RYR2: variants seen among roughly 807,000 people sequenced by gnomAD.
RYR2 encodes the protein ryanodine receptor 2, also known as cardiac muscle ryanodine receptor-calcium release channel.
Under a neutral mutation model 601.1 loss-of-function variants are expected in RYR2, and 227 were observed. The ratio of observed to expected loss-of-function variants is 0.38; its 90% CI spans 0.34 to 0.42. RYR2 has a LOEUF of 0.42. Ranked by LOEUF, RYR2 falls within the 10% of genes least tolerant of loss-of-function variation. The probability of loss-of-function intolerance (pLI) is 1.00; values close to 1 mark genes in which losing one functional copy is unlikely to be tolerated. For missense variants in RYR2, 4,646 were observed against 6,156.5 expected, an observed-to-expected ratio of 0.75 and a Z score of 8.21; for synonymous variants, 2,223 against 2,175.1, an observed-to-expected ratio of 1.02 and a Z score of -0.61.
At chr1:237,307,707 T>C (rs1694015822) in intron 2 of RYR2, among the ~76,000 whole-genome samples, 1 of 152,226 alleles carries the variant, frequency 6.6e-6, no homozygotes, top group Admixed American at 6.5e-5. Flanking sequence ...TTATGATATT[T>C]ATGTAGATCC....
chr1:237,104,941 G>A (rs1450665348), intron 1 of RYR2, among the ~76,000 whole-genome samples: 2 of 152,126 alleles, frequency 1.3e-5, no homozygotes, highest in Non-Finnish European at 1.5e-5. Context: ...CTTCTCCCTC[G>A]AGGTCTTCTC....
chr1:237,283,487 T>C (rs1488451637), intron 2 of RYR2, among the ~76,000 whole-genome samples: 1 of 152,214 alleles, frequency 6.6e-6, no homozygotes, highest in Non-Finnish European at 1.5e-5. Context: ...ATCTTGTATC[T>C]CAGGTACATA....
At chr1:237,566,496 A>G (rs1354200296) in intron 27 of RYR2, 71 bp from the exon 28 acceptor site, 5 of 1,425,566 alleles carry the variant, frequency 3.5e-6, no homozygotes, top group Non-Finnish European at 3.8e-6. Context: ...TCCTTCTTTT[A>G]TTTATGATAT....
chr1:237,625,719 G>A lies in RYR2; in HGVS notation c.6081G>A (p.Gly2027=). ...LDGNSDLTIR[G]RLLSLVEKVT... ...GAAACAGTGATTTAACAATTAGAGG[G>A]CGTCTGCTATCCCTGGTAGAAAAGG... The change falls in exon 40 of 105, where the codon GGG becomes GGA. Residue 2027 remains glycine, a synonymous_variant. Coordinates refer to ENST00000366574, the MANE Select transcript of RYR2 (RefSeq NM_001035.3). The A allele has an allele frequency of 3.1e-6, 5 of 1,613,756 alleles. No individual in the cohort carries two copies. The highest frequency in any genetic ancestry group is 4.2e-6 in the Non-Finnish European group (5 of 1,179,834).
At chr1:237,151,516 T>C (rs929356854) in intron 1 of RYR2, among the ~76,000 whole-genome samples, 7 of 152,232 alleles carry the variant, frequency 4.6e-5, no homozygotes, top group Non-Finnish European at 1.0e-4. Flanking sequence ...GATAGTGATA[T>C]GATTATAGAA....
chr1:237,406,225 C>G (rs1052669992), intron 10 of RYR2, among the ~76,000 whole-genome samples: 3 of 122,122 alleles, frequency 2.5e-5, no homozygotes, highest in East Asian at 3.0e-4. Context: ...CTCCCCTCCC[C>G]TCCCCTCTCC....
chr1:237,591,196 TTCTCCTCCTCCCCCTTCTCCTCCTCCCC>T (rs1675159040), intron 31 of RYR2, among the ~76,000 whole-genome samples: 1 of 34,076 alleles, frequency 2.9e-5, no homozygotes, highest in Non-Finnish European at 5.5e-5. Context: ...CTCCTCCCCC[TTCTCCTCCTCCCCCTTCTCCTCCTCCCC>T]CTTCTCCTCC....
chr1:237,376,244 G>C (rs768464142), intron 7 of RYR2, among the ~76,000 whole-genome samples: 1 of 152,162 alleles, frequency 6.6e-6, no homozygotes, highest in Non-Finnish European at 1.5e-5. Flanking sequence ...AGAAAAGCAA[G>C]TTAGACTATG....
chr1:237,197,710 G>A (rs1380780494), intron 1 of RYR2, among the ~76,000 whole-genome samples: 2 of 152,226 alleles, frequency 1.3e-5, no homozygotes, highest in Admixed American at 1.3e-4. Flanking sequence ...CTGAACTGCA[G>A]TGGAGGGAAT....
chr1:237,362,458 A>G (rs963644962), intron 4 of RYR2, among the ~76,000 whole-genome samples: 2 of 152,112 alleles, frequency 1.3e-5, no homozygotes, highest in African/African-American at 4.8e-5. Context: ...TTTCTTCAAT[A>G]TTTATCTTTA....
chr1:237,380,718 G>A (rs1461621394), intron 8 of RYR2, among the ~76,000 whole-genome samples: 1 of 151,684 alleles, frequency 6.6e-6, no homozygotes, highest in East Asian at 2.0e-4. Context: ...AAGGCGGGAG[G>A]ATCACTTTAG....
At chr1:237,148,247 T>C (rs1674232177) in intron 1 of RYR2, among the ~76,000 whole-genome samples, 1 of 151,678 alleles carries the variant, frequency 6.6e-6, no homozygotes, top group Admixed American at 6.6e-5. Context: ...TACGTGCACG[T>C]GCAGGAACAG....
At chr1:237,424,158 GAC>G (rs769110693) in intron 12 of RYR2, among the ~76,000 whole-genome samples, 3 of 152,112 alleles carry the variant, frequency 2.0e-5, no homozygotes, top group Non-Finnish European at 4.4e-5. Flanking sequence ...TTTGGGTGGG[GAC>G]ACAGAGCCAA....
chr1:237,338,211 G>T (rs1472789456), intron 3 of RYR2, among the ~76,000 whole-genome samples: 1 of 152,178 alleles, frequency 6.6e-6, no homozygotes, highest in Non-Finnish European at 1.5e-5. Context: ...GAACAATCTA[G>T]TTGAAAAATG....
Position 237,639,181 on chromosome 1 carries a change from T to C in RYR2, c.7095T>C (p.Asn2365=), listed in dbSNP as rs759514803. The change falls in exon 46 of 105, where the codon AAT becomes AAC. Residue 2365 remains asparagine, a synonymous_variant. Coordinates refer to ENST00000366574, the MANE Select transcript of RYR2 (RefSeq NM_001035.3). ...CTTCCCGAGATGGTCCCTCACCAAA[T>C]AGCGGATCCAGTAAAACACTGTAGG... The part of the protein sequence containing the change: ...EDPSRDGPSP[N]SGSSKTLDTE... The C allele has an allele frequency of 5.6e-6, 9 of 1,613,356 alleles. No homozygotes were observed. The highest frequency in any genetic ancestry group is 1.3e-5 in the African/African-American group (1 of 75,030).
chr1:237,078,133 A>G (rs2148374658), intron 1 of RYR2, among the ~76,000 whole-genome samples: 2 of 16,288 alleles, frequency 1.2e-4, no homozygotes, highest in South Asian at 3.1e-3. Context: ...AGCAGTGTGT[A>G]GAGGGAAATT....
chr1:237,130,945 A>G (rs991703693), intron 1 of RYR2, among the ~76,000 whole-genome samples: 4 of 152,162 alleles, frequency 2.6e-5, no homozygotes, highest in Admixed American at 6.5e-5. Flanking sequence ...ACAGTCACAC[A>G]GGGCTGTCTA....
intron 80 of RYR2, among the ~76,000 whole-genome samples, chr1:237,755,719 T>C (rs1692896977): frequency 6.6e-6 from 1 of 152,228 alleles, no homozygotes; most frequent in South Asian, 2.1e-4. Context: ...TAAAGGCACA[T>C]TGCATCTCTT....
At chr1:237,056,990 G>A (rs1457445852) in intron 1 of RYR2, among the ~76,000 whole-genome samples, 3 of 152,146 alleles carry the variant, frequency 2.0e-5, no homozygotes, top group South Asian at 2.1e-4. Flanking sequence ...TCTGTGATAC[G>A]TTATTATGGC....
Sources: allele counts gnomAD v4.1 joint callset (sites outside exome capture counted in the v4.1 genomes callset), GRCh38; gene constraint gnomAD v4.1.1; transcripts MANE v1.5; gene names NCBI Gene and HGNC (gene_info 2026-07-23, HGNC 2026-07-21).